Variants in UBE2H observed in about 807,000 individuals in gnomAD.
The protein encoded by UBE2H is ubiquitin conjugating enzyme E2 H.
Under a neutral mutation model 29.0 loss-of-function variants are expected in UBE2H, and 3 were observed. The ratio of observed to expected loss-of-function variants is 0.10; its 90% CI spans 0.05 to 0.27. UBE2H has a LOEUF of 0.27. Ranked by LOEUF, UBE2H falls within the 10% of genes least tolerant of loss-of-function variation. The pLI is 1.00. For missense variants in UBE2H, 68 were observed against 228.2 expected (o/e 0.30, Z 4.52); for synonymous variants, 69 against 82.9 (o/e 0.83, Z 0.91).
intron 5 of UBE2H, among the ~76,000 whole-genome samples, chr7:129,854,792 C>A (rs1269846764): frequency 6.6e-6 from 1 of 152,032 alleles, no homozygotes; most frequent in Non-Finnish European, 1.5e-5. Flanking sequence ...AGCCAAAAGA[C>A]AGCAATAACC....
intron 1 of UBE2H, among the ~76,000 whole-genome samples, chr7:129,950,954 C>G (rs919099785): frequency 4.6e-5 from 7 of 152,100 alleles, no homozygotes; most frequent in Non-Finnish European, 1.5e-5. Flanking sequence ...ATTAGTTGCT[C>G]CGCTCTAATC....
chr7:129,854,060 G>GTTTTTTTTTGT (rs1554430937), intron 5 of UBE2H, among the ~76,000 whole-genome samples: 54 of 100,278 alleles, frequency 5.4e-4, no homozygotes, highest in African/African-American at 1.9e-3. Context: ...TTTAGTGTTA[G>GTTTTTTTTTGT]TTTTTTTTTT....
intron 1 of UBE2H, among the ~76,000 whole-genome samples, chr7:129,918,758 TTCTC>T (rs1807094399): frequency 6.6e-6 from 1 of 152,154 alleles, no homozygotes; most frequent in Non-Finnish European, 1.5e-5. Context: ...TGTAGACCCT[TTCTC>T]TATGTATATG....
intron 1 of UBE2H, among the ~76,000 whole-genome samples, chr7:129,907,709 C>T (rs995044138): frequency 8.6e-5 from 13 of 151,654 alleles, no homozygotes; most frequent in Non-Finnish European, 1.2e-4. Flanking sequence ...ATCATTGTGA[C>T]GAGGTATACA....
At chr7:129,916,008 T>C (rs1302586113) in intron 1 of UBE2H, among the ~76,000 whole-genome samples, 1 of 152,206 alleles carries the variant, frequency 6.6e-6, no homozygotes, top group Non-Finnish European at 1.5e-5. Flanking sequence ...TAAAGTTCAA[T>C]TATTAAAAAG....
At chr7:129,919,100 TAA>T (rs1204331286) in intron 1 of UBE2H, among the ~76,000 whole-genome samples, 14 of 72,148 alleles carry the variant, frequency 1.9e-4, no homozygotes, top group African/African-American at 2.5e-4. Flanking sequence ...AAAAACAAAG[TAA>T]AAAAAAAAAA....
intron 5 of UBE2H, among the ~76,000 whole-genome samples, chr7:129,851,453 A>C (rs2116300203): frequency 6.6e-6 from 1 of 152,346 alleles, no homozygotes; most frequent in Admixed American, 6.5e-5. Flanking sequence ...CTAGACAATA[A>C]TTTAGTTGTT....
intron 1 of UBE2H, among the ~76,000 whole-genome samples, chr7:129,888,068 A>G (rs931561404): frequency 5.9e-5 from 9 of 152,242 alleles, no homozygotes; most frequent in African/African-American, 2.2e-4. Context: ...AACAGCCTCT[A>G]GGCAACATGC....
chr7:129,919,058 TG>T (rs1415000686), intron 1 of UBE2H, among the ~76,000 whole-genome samples: 3 of 136,052 alleles, frequency 2.2e-5, no homozygotes, highest in African/African-American at 8.3e-5. Context: ...CACTCAAGCC[TG>T]GGTAACTGAG....
intron 3 of UBE2H, among the ~76,000 whole-genome samples, chr7:129,861,123 A>G (rs1210955975): frequency 6.6e-6 from 1 of 151,922 alleles, no homozygotes; most frequent in Admixed American, 6.6e-5. Context: ...TACTCGGGAG[A>G]CCGAGGTAGA....
chr7:129,845,968 G>A (rs926022666), intron 5 of UBE2H, among the ~76,000 whole-genome samples: 3 of 152,158 alleles, frequency 2.0e-5, no homozygotes, highest in African/African-American at 7.2e-5. Flanking sequence ...TCCTCAAAGG[G>A]TAGACATTTC....
intron 6 of UBE2H, among the ~76,000 whole-genome samples, chr7:129,838,619 A>G (rs974747983): frequency 1.3e-4 from 20 of 152,194 alleles, no homozygotes; most frequent in Admixed American, 2.0e-4. Flanking sequence ...GGAAAATCCA[A>G]TGAACCCAGG....
intron 1 of UBE2H, among the ~76,000 whole-genome samples, chr7:129,907,530 A>AGATAAAAGCAGATAG (rs1806845452): frequency 6.6e-6 from 1 of 152,202 alleles, no homozygotes; most frequent in Admixed American, 6.5e-5. Context: ...AAAGCAGATA[A>AGATAAAAGCAGATAG]GTAGACAAAA....
chr7:129,929,109 G>A (rs1000813834), intron 1 of UBE2H, among the ~76,000 whole-genome samples: 21 of 151,660 alleles, frequency 1.4e-4, no homozygotes, highest in East Asian at 1.9e-4. Context: ...ACCTGAGGTC[G>A]GGAGTTTGAG....
intron 3 of UBE2H, among the ~76,000 whole-genome samples, chr7:129,865,946 G>GC (rs1554432320): frequency 1.4e-4 from 22 of 152,038 alleles, no homozygotes; most frequent in Non-Finnish European, 2.6e-4. Flanking sequence ...TTGAGTAAGG[G>GC]TGGGGGGGTG....
intron 3 of UBE2H, among the ~76,000 whole-genome samples, chr7:129,873,893 CAA>C (rs1413585926): frequency 6.6e-6 from 1 of 152,164 alleles, no homozygotes; most frequent in Non-Finnish European, 1.5e-5. Context: ...AACCCAGAGG[CAA>C]TGCATACAGC....
intron 3 of UBE2H, among the ~76,000 whole-genome samples, chr7:129,871,214 A>G (rs919098536): frequency 3.9e-5 from 6 of 152,214 alleles, no homozygotes; most frequent in Non-Finnish European, 7.3e-5. Flanking sequence ...GTATCCAATA[A>G]CTTTGTGAAA....
At chr7:129,877,166 A>G (rs1700121796) in intron 3 of UBE2H, among the ~76,000 whole-genome samples, 1 of 152,212 alleles carries the variant, frequency 6.6e-6, no homozygotes, top group Non-Finnish European at 1.5e-5. Flanking sequence ...AAAATAGAAC[A>G]AAGTACATAG....
intron 6 of UBE2H, among the ~76,000 whole-genome samples, chr7:129,836,132 T>C (rs1805320465): frequency 6.6e-6 from 1 of 152,194 alleles, no homozygotes; most frequent in Non-Finnish European, 1.5e-5. Context: ...TTTGATGAGA[T>C]TAAAGTAGCC....
Sources: gnomAD v4.1 joint callset for allele counts (sites outside exome capture counted in the v4.1 genomes callset) on GRCh38, gnomAD v4.1.1 for gene constraint, MANE v1.5 for transcripts, NCBI Gene and HGNC (gene_info 2026-07-23, HGNC 2026-07-21) for gene names.